The following TAF1A variants were observed in gnomAD, a reference collection of about 807,000 sequenced individuals.
TAF1A encodes the protein TATA box-binding protein-associated factor RNA polymerase I subunit A.
TAF1A carries 42 observed loss-of-function variants against 61.6 expected under a neutral mutation model. The observed-to-expected ratio is 0.68, with a 90% confidence interval of 0.53 to 0.88. The LOEUF is 0.88. Among genes scored for constraint, TAF1A ranks in the 40% least tolerant of loss-of-function variants. The probability of loss-of-function intolerance (pLI) is 0.00; values close to 1 mark genes in which losing one functional copy is unlikely to be tolerated. For missense variants in TAF1A, 424 were observed against 518.7 expected, an observed-to-expected ratio of 0.82 and a Z score of 1.77; for synonymous variants, 179 against 177.7, an observed-to-expected ratio of 1.01 and a Z score of -0.06.
Position 222,579,776 on chromosome 1 carries a change from C to T in TAF1A, c.388G>A (p.Val130Ile), listed in dbSNP as rs1238571781. 4 of 1,610,056 alleles carry T rather than the reference C, an allele frequency of 2.5e-6. No individual in the cohort carries two copies. The highest frequency in any genetic ancestry group is 2.5e-6 in the Non-Finnish European group (3 of 1,178,956). ...TFANRMKNIGVMNYLKISLQH... is the reference protein window; with the variant it reads ...TFANRMKNIGIMNYLKISLQH... ...ATTCTCACCTTTAAATAATTCATGACGCCAATATTTTTCATCCGGTTAGCA... is the reference window on the plus strand; with the variant it reads ...ATTCTCACCTTTAAATAATTCATGATGCCAATATTTTTCATCCGGTTAGCA... The change falls in exon 4 of 11, where the codon GTC becomes ATC. Residue 130 changes from valine to isoleucine, a missense_variant. Val to Ile is a conservative substitution (Grantham distance 29). Transcript: ENST00000352967.
chr1:222,557,617 AT>A (rs35410133), downstream of TAF1A, among the ~76,000 whole-genome samples: 61,738 of 150,086 alleles, frequency 0.41, 12,877 homozygotes, highest in Admixed American at 0.5. Flanking sequence ...AGCCCGGCTA[AT>A]TTTTTTTTTG....
At position 222,577,495 on chromosome 1, in the gene TAF1A, A is replaced by G. The variant is rs772118457; in HGVS notation, c.554T>C (p.Leu185Pro). 8 of 1,613,862 alleles carry G rather than the reference A, an allele frequency of 5.0e-6. No individual in the cohort carries two copies. The highest frequency in any genetic ancestry group is 1.3e-5 in the African/African-American group (1 of 74,926). Residue 185 changes from leucine to proline, a missense_variant, in exon 5 of 11, where the codon CTT becomes CCT. Transcript: ENST00000352967. Reference protein sequence around the residue: ...LINLIQAYKGLLQYYTWSEKK... With the variant: ...LINLIQAYKGPLQYYTWSEKK... ...TTCAGACCAGGTATAATACTGTAAA[A>G]GCCCTTTATAGGCCTGAATAAGGTT...
Position 222,588,491 on chromosome 1 carries a change from CACT to C in TAF1A, c.70_72del (p.Ser24del). ...AGCCAAGGAAAATGCATTCCTGCAC[CACT>C]GAGCACAGATGTTTCCACTTCTTCA... On this transcript the variant is annotated inframe_deletion, in exon 2 of 11. Transcript: ENST00000352967. 1 of 1,614,036 alleles carries C rather than the reference CACT, an allele frequency of 6.2e-7. No homozygotes were observed. The highest frequency in any genetic ancestry group is 1.3e-5 in the African/African-American group (1 of 75,030).
downstream of TAF1A, among the ~76,000 whole-genome samples, chr1:222,555,995 A>T (rs916984017): frequency 6.6e-6 from 1 of 152,136 alleles, no homozygotes; most frequent in Non-Finnish European, 1.5e-5. Flanking sequence ...CACTGCTTAT[A>T]TACAGGTGGT....
intron 5 of TAF1A, among the ~76,000 whole-genome samples, chr1:222,575,844 A>T (rs536747968): frequency 2.6e-5 from 4 of 152,250 alleles, no homozygotes; most frequent in Non-Finnish European, 5.9e-5. Context: ...TATCCACAAG[A>T]GTAACATTAC....
chr1:222,559,626 G>C (rs10495193), intron 10 of TAF1A, among the ~76,000 whole-genome samples: 11,734 of 152,126 alleles, frequency 0.077, 1,108 homozygotes, highest in East Asian at 0.32. Flanking sequence ...TGTACCTATA[G>C]TAACCATTTT....
intron 3 of TAF1A, among the ~76,000 whole-genome samples, chr1:222,582,052 AT>A (rs1660808931): frequency 6.6e-6 from 1 of 152,228 alleles, no homozygotes; most frequent in Non-Finnish European, 1.5e-5. Context: ...TATTCTTAAA[AT>A]TTTGTGCATG....
At chr1:222,582,110 T>G (rs1439007073) in intron 3 of TAF1A, among the ~76,000 whole-genome samples, 3 of 152,236 alleles carry the variant, frequency 2.0e-5, no homozygotes, top group Non-Finnish European at 4.4e-5. Flanking sequence ...AAGGTGTCAC[T>G]ATCTCATGTC....
rs544014737 is a variant in TAF1A, at chr1:222,580,755, G to C, written c.292-883C>G. Reference sequence around the variant, plus strand: ...TACCACCAGGGATGGGTAAATGCAGGGGGGGAAGAAAAGCAGGAAAAAAAA... The same window carrying C: ...TACCACCAGGGATGGGTAAATGCAGCGGGGGAAGAAAAGCAGGAAAAAAAA... On this transcript the variant is annotated intron_variant, in intron 3 of 10. Coordinates refer to ENST00000352967, the MANE Select transcript of TAF1A (RefSeq NM_005681.4). Among the ~76,000 whole-genome samples the C allele has an allele frequency of 5.4e-5, 8 of 147,292 alleles. No homozygotes were observed. In the South Asian group the frequency reaches 1.1e-3, roughly 21 times the overall value.
chr1:222,577,208 CA>C (rs1286253904), intron 5 of TAF1A, among the ~76,000 whole-genome samples: 1 of 152,060 alleles, frequency 6.6e-6, no homozygotes, highest in Non-Finnish European at 1.5e-5. Flanking sequence ...GACTAAATCA[CA>C]TTCAAAACAG....
intron 2 of TAF1A, among the ~76,000 whole-genome samples, chr1:222,585,409 C>A (rs533549026): frequency 6.6e-6 from 1 of 151,338 alleles, no homozygotes; most frequent in South Asian, 2.1e-4. Flanking sequence ...ATAAAAGTCA[C>A]CCACAAATAC....
chr1:222,567,856 T>G (rs547253203), intron 7 of TAF1A, among the ~76,000 whole-genome samples: 1 of 152,276 alleles, frequency 6.6e-6, no homozygotes, highest in Admixed American at 6.5e-5. Context: ...TAAGGCCACA[T>G]GAGATATTAC....
chr1:222,563,254 C>T lies in TAF1A; in HGVS notation c.1004G>A (p.Gly335Glu). 1 of 1,612,936 alleles carries T rather than the reference C, an allele frequency of 6.2e-7. No homozygotes were observed. The highest frequency in any genetic ancestry group is 1.1e-5 in the South Asian group (1 of 90,920). The change falls in exon 9 of 11, where the codon GGA becomes GAA. Residue 335 changes from glycine (G) to glutamate (E), a missense_variant. Coordinates refer to ENST00000352967, the MANE Select transcript of TAF1A (RefSeq NM_005681.4). ...HRKLGLEVLF[G>E]VLDFAGCTKN... ...AGTGCATCCGGCAAAATCTAAGACT[C>T]CAAATAATACCTCCAACCCCAGTTT... is the stretch of plus-strand genomic sequence containing the variant.
intron 2 of TAF1A, among the ~76,000 whole-genome samples, chr1:222,586,867 A>C (rs1485963631): frequency 3.3e-5 from 5 of 152,238 alleles, no homozygotes; most frequent in Non-Finnish European, 7.3e-5. Flanking sequence ...TTACCAGCAC[A>C]ATGTCAATAT....
intron 6 of TAF1A, 134 bp from the exon 7 acceptor site, chr1:222,569,802 T>C (rs1660277346): frequency 1.3e-6 from 1 of 781,370 alleles, no homozygotes; most frequent in African/African-American, 1.8e-5. Context: ...TTTTTCCCTG[T>C]ATTTTGTTAC....
intron 7 of TAF1A, among the ~76,000 whole-genome samples, chr1:222,564,524 A>AAGAGATC (rs1488731671): frequency 6.6e-6 from 1 of 152,144 alleles, no homozygotes; most frequent in Non-Finnish European, 1.5e-5. Context: ...TACTAAACAG[A>AAGAGATC]AGAGATCACA....
chr1:222,564,962 G>A (rs1034552808), intron 7 of TAF1A, among the ~76,000 whole-genome samples: 1 of 152,130 alleles, frequency 6.6e-6, no homozygotes, highest in African/African-American at 2.4e-5. Flanking sequence ...ATAGAATTCT[G>A]TATATGGCTC....
In TAF1A at chr1:222,558,698, A is replaced by T; in HGVS notation, c.1315T>A (p.Ser439Thr). Residue 439 changes from serine to threonine, a missense_variant, in exon 11 of 11, where the codon TCT becomes ACT. Transcript: ENST00000352967. ...TTTACAATACTGTATTTTTTCACAG[A>T]TCTCTTCATCCGCTTAATTTTCTTC... is the stretch of plus-strand genomic sequence containing the variant. ...LGKKIKRMKR[S>T]VKKYSIVNPR... 6 of 1,576,536 alleles carry T rather than the reference A, an allele frequency of 3.8e-6. No individual in the cohort carries two copies. Among genetic ancestry groups the T allele is most frequent in the Non-Finnish European group, 5.2e-6 (6 of 1,160,318 alleles).
At chr1:222,554,423 T>G (rs1047240002), downstream of TAF1A, among the ~76,000 whole-genome samples, 1 of 152,240 alleles carries the variant, frequency 6.6e-6, no homozygotes, top group African/African-American at 2.4e-5. Flanking sequence ...GCATGAATCT[T>G]GGATTGACTT....
Sources: allele counts gnomAD v4.1 joint callset (sites outside exome capture counted in the v4.1 genomes callset), GRCh38; gene constraint gnomAD v4.1.1; transcripts MANE v1.5; gene names NCBI Gene and HGNC (gene_info 2026-07-23, HGNC 2026-07-21).